The following PEX14 variants were observed in gnomAD, a reference collection of about 807,000 sequenced individuals.
The protein encoded by PEX14 is peroxisomal biogenesis factor 14, also known as peroxisomal membrane protein PEX14.
A neutral mutation model predicts 49.5 loss-of-function variants in PEX14; 15 were observed. The ratio of observed to expected loss-of-function variants is 0.30; its 90% confidence interval spans 0.20 to 0.47. The LOEUF (loss-of-function observed/expected upper bound fraction) is 0.47, where lower values mean the gene tolerates loss of function less well. Ranked by LOEUF, PEX14 falls within the 20% of genes least tolerant of loss-of-function variation. The pLI is 1.00. For synonymous variants in PEX14, 210 were observed against 212.7 expected (o/e 0.99, Z 0.11); for missense variants, 398 against 494.8 (o/e 0.80, Z 1.86).
chr1:10,577,971 T>A (rs1640199341), intron 3 of PEX14, among the ~76,000 whole-genome samples: 1 of 151,828 alleles, frequency 6.6e-6, no homozygotes, highest in Non-Finnish European at 1.5e-5. Context: ...GGAGCCACCT[T>A]TATAAGGCTT....
At chr1:10,601,473 G>C (rs928013146) in intron 4 of PEX14, among the ~76,000 whole-genome samples, 2 of 152,264 alleles carry the variant, frequency 1.3e-5, no homozygotes, top group Non-Finnish European at 1.5e-5. Flanking sequence ...ACTTGCTGAA[G>C]GGCCAGCCAG....
chr1:10,561,223 A>G (rs1319677202), intron 3 of PEX14, among the ~76,000 whole-genome samples: 1 of 152,212 alleles, frequency 6.6e-6, no homozygotes, highest in Admixed American at 6.5e-5. Flanking sequence ...CTAATTCCAT[A>G]AGATCATCTG....
At chr1:10,626,660 C>T (rs1029617705) in intron 7 of PEX14, among the ~76,000 whole-genome samples, 3 of 152,236 alleles carry the variant, frequency 2.0e-5, no homozygotes, top group African/African-American at 7.2e-5. Flanking sequence ...TTAAAGATGG[C>T]CTGGGGTGGC....
chr1:10,614,544 C>G (rs1641359182), intron 4 of PEX14, among the ~76,000 whole-genome samples: 1 of 152,124 alleles, frequency 6.6e-6, no homozygotes, highest in Admixed American at 6.5e-5. Flanking sequence ...CCTTGACAGC[C>G]CAGAGGGCCC....
Position 10,497,648 on chromosome 1 carries a change from A to G in PEX14, c.84+2327A>G, listed in dbSNP as rs532430235. On this transcript the variant is annotated intron_variant, in intron 2 of 8. Coordinates refer to ENST00000356607, the MANE Select transcript of PEX14 (RefSeq NM_004565.3). ...GGTGCAGAGCTGCCTGGTTGGGCGT[A>G]GAAGAGAGCCCCAAGTTATTCAGAG... Among the ~76,000 whole-genome samples the G allele has an allele frequency of 7.9e-5, 12 of 152,326 alleles. No homozygotes were observed. The South Asian group carries it at 2.1e-3, about 26-fold the overall frequency.
chr1:10,559,064 T>C (rs573110669), intron 3 of PEX14, among the ~76,000 whole-genome samples: 1 of 152,224 alleles, frequency 6.6e-6, no homozygotes, highest in Non-Finnish European at 1.5e-5. Context: ...TTGTTTTTGT[T>C]GGTTCTCTTA....
intron 3 of PEX14, among the ~76,000 whole-genome samples, chr1:10,586,622 G>A (rs934147805): frequency 3.2e-5 from 4 of 125,592 alleles, no homozygotes; most frequent in South Asian, 2.7e-4. Flanking sequence ...AAAAGGAGCC[G>A]TTTACCTTTT....
rs910733455 is a variant in PEX14, at chr1:10,628,819, A to G, written c.678-712A>G. ...CTTTGTCCTCTTGGCTCAGGCAGAG[A>G]TGGGCCTGCCTGTTGGAGAGCTCTG... On this transcript the variant is annotated intron_variant, in intron 8 of 8. Coordinates refer to ENST00000356607, the MANE Select transcript of PEX14 (RefSeq NM_004565.3). The surrounding 1 kb of genome is among the most constrained non-coding windows in gnomAD (Gnocchi z 4.5). Among the ~76,000 whole-genome samples the G allele has an allele frequency of 6.6e-6, 1 of 152,068 alleles. No homozygotes were observed. The highest frequency in any genetic ancestry group is 1.5e-5 in the Non-Finnish European group (1 of 68,010).
chr1:10,493,602 A>AT (rs1172837280), intron 1 of PEX14, among the ~76,000 whole-genome samples: 2 of 151,822 alleles, frequency 1.3e-5, no homozygotes, highest in African/African-American at 2.4e-5. Flanking sequence ...CCATTTTTAT[A>AT]TTTTTTGTAG....
intron 3 of PEX14, among the ~76,000 whole-genome samples, chr1:10,551,431 A>G (rs1639330944): frequency 6.6e-6 from 1 of 152,152 alleles, no homozygotes; most frequent in African/African-American, 2.4e-5. Flanking sequence ...ATTAGCGTGG[A>G]TGTCATTACA....
chr1:10,535,392 C>T (rs1388598086), intron 2 of PEX14, among the ~76,000 whole-genome samples: 1 of 152,236 alleles, frequency 6.6e-6, no homozygotes, highest in Non-Finnish European at 1.5e-5. Flanking sequence ...GGCAGGTAGA[C>T]AATCTGTCAA....
In PEX14 at chr1:10,575,085, A is replaced by AG. The variant is rs1240594240; in HGVS notation, c.170-24153_170-24152insG. Among the ~76,000 whole-genome samples the AG allele has an allele frequency of 1.2e-4, 18 of 152,046 alleles. No individual in the cohort carries two copies. The East Asian group carries it at 2.1e-3, about 18-fold the overall frequency. On this transcript the variant is annotated intron_variant, in intron 3 of 8. Coordinates refer to ENST00000356607, the MANE Select transcript of PEX14 (RefSeq NM_004565.3). ...ACCCGTCTCTTAAATAAAAAAAAAA[A>AG]AGGAAGAAAAGAAAAAAAGGAAACA...
At chr1:10,487,817 G>C (rs1311747736) in intron 1 of PEX14, among the ~76,000 whole-genome samples, 1 of 149,178 alleles carries the variant, frequency 6.7e-6, no homozygotes, top group Non-Finnish European at 1.5e-5. Context: ...GTCTCACTCT[G>C]TTGCCTCGGC....
chr1:10,623,409 C>T lies in PEX14; in HGVS notation c.487+288C>T. 2.6e-6 allele frequency: 1 copy of T among 389,166 alleles called. No individual in the cohort carries two copies. Among genetic ancestry groups the T allele is most frequent in the East Asian group, 6.0e-5 (1 of 16,658 alleles). 24.1% of individuals were successfully genotyped at this position (389,166 alleles called of 1,614,324 possible). ...CAGCCTTTCTAAGGGCTGTAAAGTTCATTTTTAATTTCTGCTTCTATGAGG... is the reference window on the plus strand; with the variant it reads ...CAGCCTTTCTAAGGGCTGTAAAGTTTATTTTTAATTTCTGCTTCTATGAGG... On this transcript the variant is annotated intron_variant, in intron 6 of 8. Coordinates refer to ENST00000356607, the MANE Select transcript of PEX14 (RefSeq NM_004565.3). This position sits in a 1 kb window ranked among gnomAD's most constrained non-coding sequence, Gnocchi z 4.4.
At chr1:10,527,515 CA>C (rs1032596691) in intron 2 of PEX14, among the ~76,000 whole-genome samples, 76 of 89,102 alleles carry the variant, frequency 8.5e-4, no homozygotes, top group African/African-American at 1.2e-3. Flanking sequence ...GACTCTGTCT[CA>C]AAAAAAAAAA....
At chr1:10,505,823 G>A (rs941764423) in intron 2 of PEX14, among the ~76,000 whole-genome samples, 1 of 151,968 alleles carries the variant, frequency 6.6e-6, no homozygotes, top group African/African-American at 2.4e-5. Flanking sequence ...TGGGATCACA[G>A]GTGTGTGCCA....
intron 3 of PEX14, among the ~76,000 whole-genome samples, chr1:10,567,369 C>T (rs1013368264): frequency 6.6e-6 from 1 of 152,184 alleles, no homozygotes; most frequent in Admixed American, 6.5e-5. Flanking sequence ...CAATGTCACA[C>T]TATCTTACAT....
chr1:10,623,243 A>C lies in PEX14; in HGVS notation c.487+122A>C. ...GTGACTTCATTTATCTGCTCTGAGA[A>C]TCTGTTCACATTTGCAAATGAAGCC... is the stretch of plus-strand genomic sequence containing the variant. On this transcript the variant is annotated intron_variant, in intron 6 of 8. Coordinates refer to ENST00000356607, the MANE Select transcript of PEX14 (RefSeq NM_004565.3). The surrounding 1 kb of genome is among the most constrained non-coding windows in gnomAD (Gnocchi z 4.4). 1.4e-6 allele frequency: 1 copy of C among 719,296 alleles called. No homozygotes were observed. Among genetic ancestry groups the C allele is most frequent in the Non-Finnish European group, 2.5e-6 (1 of 394,948 alleles). The allele number at this position is 719,296 out of a possible 1,614,324, so 44.6% of individuals were successfully genotyped here.
intron 3 of PEX14, among the ~76,000 whole-genome samples, chr1:10,548,943 C>A (rs1639255330): frequency 6.6e-6 from 1 of 152,192 alleles, no homozygotes; most frequent in Non-Finnish European, 1.5e-5. Flanking sequence ...ATGCTCTAAT[C>A]TCTTACTGTT....
Sources: allele counts gnomAD v4.1 joint callset (sites outside exome capture counted in the v4.1 genomes callset), GRCh38; gene constraint gnomAD v4.1.1; non-coding constraint Gnocchi (gnomAD v3.1); transcripts MANE v1.5; gene names NCBI Gene and HGNC (gene_info 2026-07-23, HGNC 2026-07-21).